Variants in SLC24A2 observed in about 807,000 individuals in gnomAD.
SLC24A2 encodes the protein solute carrier family 24 member 2.
A neutral mutation model predicts 62.0 loss-of-function variants in SLC24A2; 36 were observed. The observed-to-expected ratio is 0.58, with a 90% CI of 0.44 to 0.77. SLC24A2 has a LOEUF of 0.77. Among genes scored for constraint, SLC24A2 ranks in the 30% least tolerant of loss-of-function variants. The pLI, the probability that SLC24A2 is intolerant of heterozygous loss-of-function variation, is 0.00. For synonymous variants in SLC24A2, 358 were observed against 294.0 expected (o/e 1.22, Z -2.23); for missense variants, 846 against 817.9 (o/e 1.03, Z -0.42).
chr9:20,270,378 T>G, the SLC24A2 span, among the ~76,000 whole-genome samples: 1 of 152,208 alleles, frequency 6.6e-6, no homozygotes, highest in Non-Finnish European at 1.5e-5. Context: ...AGGAGTTTCC[T>G]GTGTACCTCA....
chr9:20,206,801 A>C, the SLC24A2 span, among the ~76,000 whole-genome samples: 1 of 152,052 alleles, frequency 6.6e-6, no homozygotes, highest in African/African-American at 2.4e-5. Context: ...TTAATTAATA[A>C]ATCTTTTTTA....
chr9:19,564,010 T>G (rs1835547170), intron 7 of SLC24A2, among the ~76,000 whole-genome samples: 1 of 151,932 alleles, frequency 6.6e-6, no homozygotes, highest in African/African-American at 2.4e-5. Context: ...CACACCACCA[T>G]GCCCTGCTAA....
the SLC24A2 span, among the ~76,000 whole-genome samples, chr9:19,801,195 G>C: frequency 6.6e-6 from 1 of 152,246 alleles, no homozygotes; most frequent in African/African-American, 2.4e-5. Flanking sequence ...GGGCCATGCG[G>C]TGAGTGTTTT....
the SLC24A2 span, among the ~76,000 whole-genome samples, chr9:20,053,697 G>A: frequency 6.6e-6 from 1 of 152,154 alleles, no homozygotes; most frequent in African/African-American, 2.4e-5. Flanking sequence ...GAGGTTTACA[G>A]GAAAAAGATG....
chr9:19,587,623 C>T lies in SLC24A2; in HGVS notation c.1129+9606G>A, dbSNP rs116395901. Among the ~76,000 whole-genome samples, 295 of 151,834 alleles carry T rather than the reference C, an allele frequency of 1.9e-3. 6 individuals carry two copies. Among genetic ancestry groups the T allele is most frequent in the African/African-American group, 6.0e-3 (248 of 41,358 alleles). ...GAGAAACTTACCATGCCTAATTGAA[C>T]ATGCCAGCCTCCAAGTATAACAAAT... is the stretch of plus-strand genomic sequence containing the variant. On this transcript the variant is annotated intron_variant, in intron 5 of 10. Coordinates refer to ENST00000341998, the MANE Select transcript of SLC24A2 (RefSeq NM_020344.4).
At chr9:19,553,285 G>A (rs1272035546) in intron 7 of SLC24A2, among the ~76,000 whole-genome samples, 1 of 152,214 alleles carries the variant, frequency 6.6e-6, no homozygotes, top group Non-Finnish European at 1.5e-5. Context: ...GGCCACTGAG[G>A]TTAGGGCAGT....
At chr9:19,661,104 T>C (rs1819085506) in intron 2 of SLC24A2, among the ~76,000 whole-genome samples, 1 of 152,114 alleles carries the variant, frequency 6.6e-6, no homozygotes, top group Non-Finnish European at 1.5e-5. Context: ...TTTGCTCTTG[T>C]GAGAAACTTC....
the SLC24A2 span, among the ~76,000 whole-genome samples, chr9:19,868,898 T>C: frequency 6.6e-6 from 1 of 151,618 alleles, no homozygotes; most frequent in East Asian, 1.9e-4. Context: ...AAGTTGAATT[T>C]TCTTTTTAAA....
chr9:19,657,503 G>A (rs571356530), intron 2 of SLC24A2, among the ~76,000 whole-genome samples: 1 of 151,688 alleles, frequency 6.6e-6, no homozygotes, highest in Non-Finnish European at 1.5e-5. Context: ...TTTAAGCCCC[G>A]CATGCATTAG....
intron 7 of SLC24A2, among the ~76,000 whole-genome samples, chr9:19,558,491 C>T (rs888253370): frequency 4.6e-5 from 7 of 152,174 alleles, no homozygotes; most frequent in African/African-American, 1.4e-4. Context: ...ATTTTATGTG[C>T]ACTTCATTGC....
At chr9:19,762,305 T>C (rs368871505) in intron 2 of SLC24A2, among the ~76,000 whole-genome samples, 5 of 152,218 alleles carry the variant, frequency 3.3e-5, no homozygotes, top group East Asian at 3.9e-4. Context: ...AGAAGCTCTT[T>C]AGGTTAATTA....
chr9:19,778,756 G>A (rs945465211), intron 2 of SLC24A2, among the ~76,000 whole-genome samples: 4 of 152,044 alleles, frequency 2.6e-5, no homozygotes, highest in African/African-American at 9.7e-5. Flanking sequence ...AGTTCCACAG[G>A]TAAAGTCCCA....
In SLC24A2 at chr9:19,550,235, G is replaced by C. The variant is rs1394266336; in HGVS notation, c.1381C>G (p.Leu461Val). The change falls in exon 8 of 11, where the codon CTT becomes GTT. Residue 461 changes from leucine (L) to valine (V), a missense_variant. Transcript: ENST00000341998. ...ADEEEDQPLS[L>V]AWPSETRKQV... ...TTGCGGGTTTCAGAAGGCCAGGCAA[G>C]GCTGAGAGGCTGGTCCTCCTCCTCA... 6.2e-7 allele frequency: 1 copy of C among 1,614,144 alleles called. No individual in the cohort carries two copies. Among genetic ancestry groups the C allele is most frequent in the South Asian group, 1.1e-5 (1 of 91,074 alleles).
chr9:19,704,068 G>A (rs935379665), intron 2 of SLC24A2, among the ~76,000 whole-genome samples: 3 of 152,108 alleles, frequency 2.0e-5, no homozygotes, highest in Non-Finnish European at 4.4e-5. Flanking sequence ...GGGACCCTGT[G>A]CAATCTCCAA....
At chr9:19,788,317 C>T (rs1429934785) in intron 1 of SLC24A2, among the ~76,000 whole-genome samples, 5 of 152,206 alleles carry the variant, frequency 3.3e-5, no homozygotes, top group African/African-American at 9.6e-5. Context: ...AAATGCCCGG[C>T]CCGGGCGACC....
chr9:20,202,049 T>TGG, the SLC24A2 span, among the ~76,000 whole-genome samples: 5 of 119,802 alleles, frequency 4.2e-5, no homozygotes, highest in African/African-American at 9.9e-5. Context: ...TCCCATTTCA[T>TGG]GGTGTGTGTG....
chr9:19,955,554 A>G, the SLC24A2 span, among the ~76,000 whole-genome samples: 1 of 152,198 alleles, frequency 6.6e-6, no homozygotes, highest in Non-Finnish European at 1.5e-5. Context: ...ACTATCCAAA[A>G]TAAAAACAAC....
intron 5 of SLC24A2, among the ~76,000 whole-genome samples, chr9:19,581,776 C>A (rs552270361): frequency 1.3e-5 from 2 of 152,124 alleles, no homozygotes; most frequent in South Asian, 2.1e-4. Flanking sequence ...CATAGAGGAA[C>A]GAATCTAAGA....
the SLC24A2 span, among the ~76,000 whole-genome samples, chr9:19,904,420 G>T: frequency 6.6e-6 from 1 of 152,162 alleles, no homozygotes; most frequent in Admixed American, 6.5e-5. Flanking sequence ...GAATTATACA[G>T]AGACTCAGTT....
Sources: allele counts gnomAD v4.1 joint callset (sites outside exome capture counted in the v4.1 genomes callset), GRCh38; gene constraint gnomAD v4.1.1; transcripts MANE v1.5; gene names NCBI Gene and HGNC (gene_info 2026-07-23, HGNC 2026-07-21).